The following DOCK3 variants were observed in gnomAD, a reference collection of about 807,000 sequenced individuals.
DOCK3 encodes the protein dedicator of cytokinesis 3, also known as dedicator of cytokinesis protein 3.
DOCK3 carries 60 observed loss-of-function variants against 265.6 expected under a neutral mutation model. That is an observed-to-expected ratio of 0.23 (90% CI 0.18 to 0.28). The LOEUF is 0.28. DOCK3 is among the 10% of genes least tolerant of loss of function. DOCK3 has a pLI of 1.00. For missense variants in DOCK3, 1,981 were observed against 2,594.3 expected, an observed-to-expected ratio of 0.76 and a Z score of 5.14; for synonymous variants, 881 against 938.0, an observed-to-expected ratio of 0.94 and a Z score of 1.11.
At chr3:50,894,809 CT>C (rs1277044757) in intron 4 of DOCK3, among the ~76,000 whole-genome samples, 2 of 151,990 alleles carry the variant, frequency 1.3e-5, no homozygotes, top group African/African-American at 4.8e-5. Flanking sequence ...TTTAAGGGAA[CT>C]ATGAATAGTG....
intron 5 of DOCK3, among the ~76,000 whole-genome samples, chr3:50,948,401 C>CT (rs59584829): frequency 0.85 from 83,522 of 98,598 alleles, 37,188 homozygotes; most frequent in Non-Finnish European, 0.96. Flanking sequence ...AAGTTTTAAT[C>CT]TTTTTTTTTT....
rs1223170924 is a variant in DOCK3, at chr3:51,382,629, TAA to T, written c.*1072_*1073del. 1 of 152,394 alleles carries T rather than the reference TAA, an allele frequency of 6.6e-6. No individual in the cohort carries two copies. The highest frequency in any genetic ancestry group is 1.5e-5 in the Non-Finnish European group (1 of 68,046). The allele number at this position is 152,394 out of a possible 1,614,324, so 9.4% of individuals were successfully genotyped here. A position where few individuals can be genotyped will look rare whatever the true frequency, so the allele number is the denominator to read the frequency against. ...TGGTCAGGTTCAGCAGGCTCCTGGG[TAA>T]AGAGGGTGGGAGGGGGCTTCTCCTT... is the stretch of plus-strand genomic sequence containing the variant. On this transcript the variant is annotated 3_prime_UTR_variant, in exon 53 of 53. Transcript: ENST00000266037.
At chr3:50,958,706 G>A (rs546631050) in intron 5 of DOCK3, among the ~76,000 whole-genome samples, 3 of 152,210 alleles carry the variant, frequency 2.0e-5, no homozygotes, top group Admixed American at 1.3e-4. Flanking sequence ...GTTGCTCCAC[G>A]TTGCTGCTGG....
chr3:50,757,772 A>G (rs912913806), intron 1 of DOCK3, among the ~76,000 whole-genome samples: 4 of 152,060 alleles, frequency 2.6e-5, no homozygotes, highest in Admixed American at 6.6e-5. Flanking sequence ...TTTTTGAGAT[A>G]ATTTTTGTTT....
At chr3:51,283,993 CT>C (rs2081280496) in intron 27 of DOCK3, among the ~76,000 whole-genome samples, 1 of 152,060 alleles carries the variant, frequency 6.6e-6, no homozygotes. Flanking sequence ...ACTTTACACA[CT>C]TACATTCGTG....
chr3:51,198,396 T>G (rs1447315251), intron 12 of DOCK3, among the ~76,000 whole-genome samples: 1 of 152,066 alleles, frequency 6.6e-6, no homozygotes, highest in Non-Finnish European at 1.5e-5. Flanking sequence ...AGCAGACAGG[T>G]CTGGCCTCAT....
chr3:51,063,863 C>T (rs983139408), intron 5 of DOCK3, among the ~76,000 whole-genome samples: 1 of 152,146 alleles, frequency 6.6e-6, no homozygotes, highest in Admixed American at 6.5e-5. Context: ...ACTGAAAAGA[C>T]TGGAAATCTG....
intron 38 of DOCK3, among the ~76,000 whole-genome samples, chr3:51,343,654 A>G (rs980137618): frequency 6.6e-6 from 1 of 152,252 alleles, no homozygotes; most frequent in Non-Finnish European, 1.5e-5. Context: ...TTGCACCTGT[A>G]GTACACTTGC....
rs898826031 is a variant in DOCK3, at chr3:50,710,925, G to A, written c.37+35625G>A. Among the ~76,000 whole-genome samples the A allele has an allele frequency of 5.3e-5, 8 of 152,166 alleles. No homozygotes were observed. The East Asian group carries it at 1.3e-3, about 26-fold the overall frequency. On this transcript the variant is annotated intron_variant, in intron 1 of 52. Coordinates refer to ENST00000266037, the MANE Select transcript of DOCK3 (RefSeq NM_004947.5). ...AGGAATGGAAAACCAAATATCATAC[G>A]TTCTCACTTGTAAGTGGGAGCTAAG...
rs528903612 is a variant in DOCK3 at position 50,942,927 on chromosome 3, A to G, written c.315+8850A>G. Among the ~76,000 whole-genome samples, 6 of 152,100 alleles carry G rather than the reference A, an allele frequency of 3.9e-5. No individual in the cohort carries two copies. The South Asian group carries it at 1.2e-3, about 32-fold the overall frequency. On this transcript the variant is annotated intron_variant, in intron 5 of 52. Coordinates refer to ENST00000266037, the MANE Select transcript of DOCK3 (RefSeq NM_004947.5). ...GGAGTTTTGAGACTTAGTACAAGGAAATGAGTGGAAAATATTCCATTAATA... is the reference window on the plus strand; with the variant it reads ...GGAGTTTTGAGACTTAGTACAAGGAGATGAGTGGAAAATATTCCATTAATA...
At chr3:51,141,322 T>G (rs909844245) in intron 9 of DOCK3, among the ~76,000 whole-genome samples, 1 of 149,408 alleles carries the variant, frequency 6.7e-6, no homozygotes, top group African/African-American at 2.5e-5. Flanking sequence ...TGACAGTTCC[T>G]AAGGGGTATA....
At chr3:51,119,660 A>G (rs1215783397) in intron 9 of DOCK3, among the ~76,000 whole-genome samples, 1 of 151,632 alleles carries the variant, frequency 6.6e-6, no homozygotes, top group Non-Finnish European at 1.5e-5. Context: ...TCGTTTGTTC[A>G]TTTTCATTAT....
intron 2 of DOCK3, among the ~76,000 whole-genome samples, chr3:50,829,577 G>GA (rs1006212978): frequency 1.3e-5 from 2 of 151,124 alleles, no homozygotes; most frequent in Non-Finnish European, 3.0e-5. Flanking sequence ...TATGCCCTCA[G>GA]AAAAAAAAAG....
chr3:50,854,964 C>A (rs147600710), intron 3 of DOCK3, among the ~76,000 whole-genome samples: 14 of 151,942 alleles, frequency 9.2e-5, no homozygotes, highest in Non-Finnish European at 1.9e-4. Flanking sequence ...TTATTTCTGG[C>A]TTTTCTATGT....
intron 2 of DOCK3, among the ~76,000 whole-genome samples, chr3:50,823,430 C>T (rs566120690): frequency 6.6e-6 from 1 of 152,178 alleles, no homozygotes; most frequent in African/African-American, 2.4e-5. Context: ...CGCCCTTAAT[C>T]CATTCAACCC....
Position 50,675,410 on chromosome 3 carries a change from C to G in DOCK3, c.37+110C>G, listed in dbSNP as rs1456537161. The G allele has an allele frequency of 9.9e-7, 1 of 1,007,290 alleles. No individual in the cohort carries two copies. Among genetic ancestry groups the G allele is most frequent in the Non-Finnish European group, 1.2e-6 (1 of 807,068 alleles). The allele number at this position is 1,007,290 out of a possible 1,614,324, so 62.4% of individuals were successfully genotyped here. ...CCCCCGCCACTGCCCGCAGGCTGCG[C>G]GGCCTCGGCGCGGGGCGAGCGCGGG... On this transcript the variant is annotated intron_variant, in intron 1 of 52. Coordinates refer to ENST00000266037, the MANE Select transcript of DOCK3 (RefSeq NM_004947.5). This position sits in a 1 kb window ranked among gnomAD's most constrained non-coding sequence, Gnocchi z 6.1.
chr3:50,932,368 T>C (rs2108151639), intron 4 of DOCK3, among the ~76,000 whole-genome samples: 1 of 152,348 alleles, frequency 6.6e-6, no homozygotes, highest in South Asian at 2.1e-4. Flanking sequence ...ATGCTAATTT[T>C]GTGGAATACA....
intron 12 of DOCK3, among the ~76,000 whole-genome samples, chr3:51,166,907 C>G (rs1209440883): frequency 6.6e-6 from 1 of 152,042 alleles, no homozygotes; most frequent in African/African-American, 2.4e-5. Context: ...CTTCTCATTC[C>G]ATAGATTGCC....
intron 32 of DOCK3, among the ~76,000 whole-genome samples, chr3:51,315,448 G>C (rs1037195323): frequency 6.6e-6 from 1 of 152,144 alleles, no homozygotes; most frequent in African/African-American, 2.4e-5. Flanking sequence ...CCTTTACTGA[G>C]GATTTTCACT....
Sources: allele counts gnomAD v4.1 joint callset (sites outside exome capture counted in the v4.1 genomes callset), GRCh38; gene constraint gnomAD v4.1.1; non-coding constraint Gnocchi (gnomAD v3.1); transcripts MANE v1.5; gene names NCBI Gene and HGNC (gene_info 2026-07-23, HGNC 2026-07-21).